The following PIAS1 variants were observed in gnomAD, a reference collection of about 807,000 sequenced individuals.
PIAS1 encodes protein inhibitor of activated STAT 1.
In PIAS1, 6 loss-of-function variants were observed where a neutral mutation model predicts 71.3. That is an observed-to-expected ratio of 0.08 (90% CI 0.05 to 0.17). The LOEUF (loss-of-function observed/expected upper bound fraction) is 0.17, where lower values mean the gene tolerates loss of function less well. Ranked by LOEUF, PIAS1 falls within the 10% of genes least tolerant of loss-of-function variation. PIAS1 has a pLI of 1.00. For missense variants in PIAS1, 555 were observed against 793.6 expected (o/e 0.70, Z 3.61); for synonymous variants, 303 against 292.9 (o/e 1.03, Z -0.35).
At chr15:68,055,280 C>T (rs1314570633) in intron 1 of PIAS1, 2 of 856,714 alleles carry the variant, frequency 2.3e-6, no homozygotes, top group African/African-American at 1.8e-5. Flanking sequence ...TTTGTAGGGA[C>T]ATCTTGCTGG....
chr15:68,143,478 C>T (rs2092786479), intron 4 of PIAS1, among the ~76,000 whole-genome samples: 1 of 151,868 alleles, frequency 6.6e-6, no homozygotes, highest in South Asian at 2.1e-4. Flanking sequence ...ACTTTTATAC[C>T]ATAAAACAGT....
intron 2 of PIAS1, among the ~76,000 whole-genome samples, chr15:68,141,374 C>T (rs1202319358): frequency 6.6e-6 from 1 of 152,076 alleles, no homozygotes; most frequent in Non-Finnish European, 1.5e-5. Context: ...TTTTTTACAA[C>T]TCTTTTCCTT....
intron 2 of PIAS1, among the ~76,000 whole-genome samples, chr15:68,091,221 A>G (rs1419508701): frequency 6.6e-6 from 1 of 152,196 alleles, no homozygotes; most frequent in Admixed American, 6.5e-5. Flanking sequence ...TTGTCCATTC[A>G]GGGACAAGAT....
intron 2 of PIAS1, among the ~76,000 whole-genome samples, chr15:68,139,119 G>A (rs764134809): frequency 6.5e-4 from 99 of 152,194 alleles, no homozygotes; most frequent in Middle Eastern, 3.2e-3. Context: ...GTATGTTTCT[G>A]TGTTTAAATA....
intron 6 of PIAS1, among the ~76,000 whole-genome samples, chr15:68,152,087 C>CT (rs1235486425): frequency 6.6e-6 from 1 of 150,702 alleles, no homozygotes; most frequent in African/African-American, 2.4e-5. Flanking sequence ...GTAGCTGGGA[C>CT]TACAGGCACG....
chr15:68,135,660 T>G (rs1430411013), intron 2 of PIAS1, among the ~76,000 whole-genome samples: 3 of 61,888 alleles, frequency 4.8e-5, no homozygotes, highest in Non-Finnish European at 9.1e-5. Context: ...GTGGCTGGCC[T>G]GGCGGGGGCT....
chr15:68,154,568 C>G (rs932902393), intron 7 of PIAS1, among the ~76,000 whole-genome samples: 1 of 152,062 alleles, frequency 6.6e-6, no homozygotes, highest in African/African-American at 2.4e-5. Flanking sequence ...AGCAGCTTTC[C>G]TTTTGTAGCA....
intron 6 of PIAS1, among the ~76,000 whole-genome samples, chr15:68,150,055 T>C (rs2092834691): frequency 6.6e-6 from 1 of 152,170 alleles, no homozygotes; most frequent in African/African-American, 2.4e-5. Context: ...AAAATTCTTT[T>C]TGACATCTCT....
At chr15:68,149,439 A>G (rs34760852) in intron 6 of PIAS1, among the ~76,000 whole-genome samples, 74,057 of 150,252 alleles carry the variant, frequency 0.49, 18,867 homozygotes, top group Middle Eastern at 0.57. Flanking sequence ...GAGAATTTGG[A>G]TGAGATTTCT....
chr15:68,121,789 A>AT (rs1439688676), intron 2 of PIAS1, among the ~76,000 whole-genome samples: 1 of 152,158 alleles, frequency 6.6e-6, no homozygotes, highest in African/African-American at 2.4e-5. Context: ...AAGAAGCCCT[A>AT]TTGAACGTAT....
chr15:68,169,145 C>G (rs748199794), intron 8 of PIAS1, among the ~76,000 whole-genome samples: 4 of 152,118 alleles, frequency 2.6e-5, no homozygotes, highest in Admixed American at 6.6e-5. Context: ...TGTGGTTTCT[C>G]TACTTAGTAT....
chr15:68,070,987 T>C (rs886968763), intron 1 of PIAS1, among the ~76,000 whole-genome samples: 2 of 152,118 alleles, frequency 1.3e-5, no homozygotes, highest in Non-Finnish European at 2.9e-5. Context: ...TATTTGCAGC[T>C]TACATTGTAT....
intron 7 of PIAS1, among the ~76,000 whole-genome samples, chr15:68,155,662 T>TAA (rs1464975924): frequency 6.6e-6 from 1 of 152,210 alleles, no homozygotes; most frequent in African/African-American, 2.4e-5. Context: ...CTTGAAAGAA[T>TAA]AAAGTTGGTA....
rs558154072 is a variant in PIAS1 at position 68,193,175 on chromosome 15, T to A, written c.*5340T>A. On this transcript the variant is annotated 3_prime_UTR_variant, in exon 14 of 14. Coordinates refer to ENST00000249636, the MANE Select transcript of PIAS1 (RefSeq NM_016166.3). ...TGAGCAGACCATCCCGGAACCTCTC[T>A]GCCTGTTAACAGAGCCCAGGGAACA... The A allele has an allele frequency of 6.6e-6, 1 of 152,536 alleles. No homozygotes were observed. The highest frequency in any genetic ancestry group is 1.9e-4 in the East Asian group (1 of 5,194). The allele number at this position is 152,536 out of a possible 1,614,324, so 9.4% of individuals were successfully genotyped here.
Position 68,086,776 on chromosome 15 carries a change from G to T in PIAS1, c.469+26G>T. 6.8e-7 allele frequency: 1 copy of T among 1,459,934 alleles called. No individual in the cohort carries two copies. Among genetic ancestry groups the T allele is most frequent in the South Asian group, 1.2e-5 (1 of 82,410 alleles). 90.4% of individuals were successfully genotyped at this position (1,459,934 alleles called of 1,614,324 possible). A position where few individuals can be genotyped will look rare whatever the true frequency, so the allele number is the denominator to read the frequency against. ...GTAAGATTATTGTATGATAGTATTT[G>T]GTTACTTTTGCAGGATGAATTTTCG... is the stretch of plus-strand genomic sequence containing the variant. On this transcript the variant is annotated intron_variant, in intron 2 of 13. Coordinates refer to ENST00000249636, the MANE Select transcript of PIAS1 (RefSeq NM_016166.3). The surrounding 1 kb of genome is among the most constrained non-coding windows in gnomAD (Gnocchi z 7.2).
At chr15:68,165,968 T>C (rs959130131) in intron 8 of PIAS1, among the ~76,000 whole-genome samples, 6 of 152,182 alleles carry the variant, frequency 3.9e-5, no homozygotes, top group Admixed American at 3.9e-4. Context: ...ATGAAGTTAC[T>C]GTATTCTTAA....
chr15:68,087,104 G>A (rs971573386), intron 2 of PIAS1, among the ~76,000 whole-genome samples: 1 of 152,122 alleles, frequency 6.6e-6, no homozygotes, highest in Non-Finnish European at 1.5e-5. Flanking sequence ...ATTTTCAGGG[G>A]TTGATGATCT....
At chr15:68,081,495 T>C (rs913552453) in intron 1 of PIAS1, among the ~76,000 whole-genome samples, 20 of 152,132 alleles carry the variant, frequency 1.3e-4, no homozygotes, top group Middle Eastern at 3.4e-3. Flanking sequence ...GCTTCAGGCA[T>C]GAAAGGCAGA....
intron 1 of PIAS1, among the ~76,000 whole-genome samples, chr15:68,076,732 A>T (rs2092169991): frequency 6.6e-6 from 1 of 152,172 alleles, no homozygotes; most frequent in African/African-American, 2.4e-5. Context: ...TTTATATATG[A>T]CACGGAACTG....
Sources: allele counts gnomAD v4.1 joint callset (sites outside exome capture counted in the v4.1 genomes callset), GRCh38; gene constraint gnomAD v4.1.1; non-coding constraint Gnocchi (gnomAD v3.1); transcripts MANE v1.5; gene names NCBI Gene and HGNC (gene_info 2026-07-23, HGNC 2026-07-21).